Variants in EXOC4 observed in about 807,000 individuals in gnomAD.
EXOC4 encodes SEC8-like 1.
In EXOC4, 71 loss-of-function variants were observed where a neutral mutation model predicts 107.2. The ratio of observed to expected loss-of-function variants is 0.66; its 90% CI spans 0.55 to 0.81. The LOEUF (loss-of-function observed/expected upper bound fraction) is 0.81. EXOC4 is among the 30% of genes least tolerant of loss of function. EXOC4 has a pLI of 0.00. For synonymous variants in EXOC4, 456 were observed against 441.2 expected, an observed-to-expected ratio of 1.03 and a Z score of -0.42; for missense variants, 1,108 against 1,189.6, an observed-to-expected ratio of 0.93 and a Z score of 1.01.
At chr7:133,253,683 T>C (rs774152280) in intron 1 of EXOC4, 1 of 208,542 alleles carries the variant, frequency 4.8e-6, no homozygotes, top group Non-Finnish European at 8.3e-6. Flanking sequence ...CAGCCACAAA[T>C]ACAAGAATCT....
intron 7 of EXOC4, among the ~76,000 whole-genome samples, chr7:133,424,405 A>G (rs887327090): frequency 2.6e-5 from 4 of 151,728 alleles, no homozygotes; most frequent in East Asian, 1.9e-4. Context: ...CTGCAGCCTC[A>G]CTCTGAAGTC....
chr7:133,466,088 G>A (rs968395474), intron 7 of EXOC4, among the ~76,000 whole-genome samples: 1 of 151,686 alleles, frequency 6.6e-6, no homozygotes, highest in Admixed American at 6.6e-5. Flanking sequence ...AGTGAGCTGA[G>A]ATCATGCCAT....
In EXOC4 at chr7:133,397,145, T is replaced by TTTTC. The variant is rs1236395827; in HGVS notation, c.1182+22143_1182+22144insTTTC. 8.8e-3 allele frequency among the ~76,000 whole-genome samples: 1,338 copies of TTTTC among 152,090 alleles called. 13 individuals are homozygous for TTTTC. Among genetic ancestry groups the TTTTC allele is most frequent in the Non-Finnish European group, 0.013 (907 of 67,988 alleles). On this transcript the variant is annotated intron_variant, in intron 7 of 17. Transcript: ENST00000253861. ...TTTGGTTTTCTTTTCTTTTTTTTTTTGAGACGGAATTTCGCTCTTGTTGCC... is the reference window on the plus strand; with the variant it reads ...TTTGGTTTTCTTTTCTTTTTTTTTTTTTTCGAGACGGAATTTCGCTCTTGTTGCC...
chr7:134,098,332 C>G, the EXOC4 span, among the ~76,000 whole-genome samples: 3 of 152,302 alleles, frequency 2.0e-5, no homozygotes, highest in East Asian at 5.8e-4. Context: ...TGCGTGATAT[C>G]ATGCCACAGA....
intron 9 of EXOC4, among the ~76,000 whole-genome samples, chr7:133,588,913 T>TATAC (rs1439648420): frequency 6.6e-6 from 1 of 152,004 alleles, no homozygotes; most frequent in African/African-American, 2.4e-5. Flanking sequence ...TGTATGTGTA[T>TATAC]ATATATGTGT....
chr7:133,586,624 C>T (rs547297006), intron 9 of EXOC4, among the ~76,000 whole-genome samples: 133 of 152,154 alleles, frequency 8.7e-4, no homozygotes, highest in African/African-American at 2.9e-3. Flanking sequence ...TATATTCTTT[C>T]GGGTATATAC....
intron 9 of EXOC4, among the ~76,000 whole-genome samples, chr7:133,549,024 G>A (rs1316815433): frequency 6.6e-6 from 1 of 152,190 alleles, no homozygotes; most frequent in Admixed American, 6.5e-5. Context: ...GTTTTCTTGA[G>A]ACAGAGTCTT....
intron 10 of EXOC4, among the ~76,000 whole-genome samples, chr7:133,747,868 A>G (rs1795710785): frequency 6.6e-6 from 1 of 152,192 alleles, no homozygotes; most frequent in Non-Finnish European, 1.5e-5. Context: ...GAAAAACACA[A>G]CAGTCAGGGA....
chr7:133,638,090 A>T (rs1802757022), intron 10 of EXOC4, among the ~76,000 whole-genome samples: 1 of 152,174 alleles, frequency 6.6e-6, no homozygotes, highest in African/African-American at 2.4e-5. Flanking sequence ...ATCTATTTAC[A>T]TATATAAAGA....
chr7:133,597,936 T>A (rs1192115290), intron 9 of EXOC4, among the ~76,000 whole-genome samples: 1 of 151,938 alleles, frequency 6.6e-6, no homozygotes, highest in Non-Finnish European at 1.5e-5. Context: ...GGAGAATTGC[T>A]TGAACCTGGG....
At chr7:134,087,922 C>G in the EXOC4 span, among the ~76,000 whole-genome samples, 1 of 152,136 alleles carries the variant, frequency 6.6e-6, no homozygotes, top group Non-Finnish European at 1.5e-5. Flanking sequence ...CACATAAGCT[C>G]TCTTTAAATT....
chr7:133,829,748 T>G (rs1375339412), intron 11 of EXOC4, among the ~76,000 whole-genome samples: 1 of 152,250 alleles, frequency 6.6e-6, no homozygotes, highest in Non-Finnish European at 1.5e-5. Context: ...CACTCACGTT[T>G]GTTTAAAGAT....
intron 9 of EXOC4, among the ~76,000 whole-genome samples, chr7:133,529,773 G>C (rs1440239387): frequency 6.6e-6 from 1 of 152,126 alleles, no homozygotes. Flanking sequence ...GAGGAACCAT[G>C]TTAAAAATAT....
intron 10 of EXOC4, among the ~76,000 whole-genome samples, chr7:133,644,735 C>A (rs1802944888): frequency 6.6e-6 from 1 of 152,118 alleles, no homozygotes; most frequent in African/African-American, 2.4e-5. Context: ...GAGAGCCATT[C>A]CCAGGTACTC....
chr7:134,041,991 G>A (rs1419466574), intron 17 of EXOC4, among the ~76,000 whole-genome samples: 1 of 152,140 alleles, frequency 6.6e-6, no homozygotes, highest in Non-Finnish European at 1.5e-5. Flanking sequence ...AGGTAGTACA[G>A]GGTTTGTGTA....
chr7:133,253,237 C>A, intron 1 of EXOC4, 50 bp downstream of exon 1: 2 of 1,592,280 alleles, frequency 1.3e-6, no homozygotes, highest in Non-Finnish European at 1.7e-6. Flanking sequence ...GCGGCTCGAC[C>A]TCCGCTTTGG....
At chr7:134,073,889 C>T in the EXOC4 span, among the ~76,000 whole-genome samples, 7 of 152,122 alleles carry the variant, frequency 4.6e-5, no homozygotes, top group African/African-American at 1.4e-4. Flanking sequence ...ACTCTTTCCC[C>T]GGGCTCCTTC....
At chr7:133,735,437 C>G (rs1795424772) in intron 10 of EXOC4, among the ~76,000 whole-genome samples, 1 of 151,880 alleles carries the variant, frequency 6.6e-6, no homozygotes, top group Admixed American at 6.6e-5. Flanking sequence ...GCACACCACT[C>G]ATCTTCCTGA....
At chr7:133,804,778 T>A (rs1797033483) in intron 10 of EXOC4, among the ~76,000 whole-genome samples, 1 of 152,212 alleles carries the variant, frequency 6.6e-6, no homozygotes, top group Non-Finnish European at 1.5e-5. Context: ...TGCTGATAGT[T>A]TGCCTTAAAA....
Sources: allele counts gnomAD v4.1 joint callset (sites outside exome capture counted in the v4.1 genomes callset), GRCh38; gene constraint gnomAD v4.1.1; transcripts MANE v1.5; gene names NCBI Gene and HGNC (gene_info 2026-07-23, HGNC 2026-07-21).